The following SDK1 variants were observed in gnomAD, a reference collection of about 807,000 sequenced individuals.
SDK1 encodes protein sidekick-1.
Under a neutral mutation model 245.5 loss-of-function variants are expected in SDK1, and 157 were observed. That is an observed-to-expected ratio of 0.64 (90% confidence interval 0.56 to 0.73). The LOEUF (loss-of-function observed/expected upper bound fraction) is 0.73. Ranked by LOEUF, SDK1 falls within the 30% of genes least tolerant of loss-of-function variation. SDK1 has a pLI of 0.00. For missense variants in SDK1, 3,583 were observed against 3,002.3 expected (o/e 1.19, Z -4.52); for synonymous variants, 1,647 against 1,278.5 (o/e 1.29, Z -6.15).
intron 19 of SDK1, among the ~76,000 whole-genome samples, chr7:4,066,771 C>T (rs1390313438): frequency 2.0e-5 from 3 of 152,330 alleles, no homozygotes; most frequent in Non-Finnish European, 4.4e-5. Context: ...CCCTGCTGTC[C>T]GGCCAGCAGC....
chr7:4,128,705 A>G (rs1471709543), intron 26 of SDK1, among the ~76,000 whole-genome samples: 31 of 70,414 alleles, frequency 4.4e-4, no homozygotes, highest in East Asian at 1.7e-3. Flanking sequence ...GTGCCCTGGA[A>G]TAGAGCAGCT....
At chr7:3,569,896 T>G (rs1030078043) in intron 1 of SDK1, among the ~76,000 whole-genome samples, 1 of 152,228 alleles carries the variant, frequency 6.6e-6, no homozygotes, top group Non-Finnish European at 1.5e-5. Flanking sequence ...GTCCACTTGG[T>G]GCAGCTTGTG....
chr7:3,909,295 C>T (rs1415511845), intron 5 of SDK1, among the ~76,000 whole-genome samples: 3 of 152,092 alleles, frequency 2.0e-5, no homozygotes, highest in Non-Finnish European at 2.9e-5. Context: ...ACCAGATGGC[C>T]GCCAATAACT....
intron 4 of SDK1, among the ~76,000 whole-genome samples, chr7:3,739,562 T>C (rs749965245): frequency 5.3e-5 from 8 of 152,216 alleles, no homozygotes; most frequent in Non-Finnish European, 1.2e-4. Context: ...TAAAATATAC[T>C]GTTGAGTCCC....
intron 1 of SDK1, among the ~76,000 whole-genome samples, chr7:3,464,579 C>CT (rs1280664851): frequency 6.6e-6 from 1 of 151,862 alleles, no homozygotes; most frequent in Non-Finnish European, 1.5e-5. Flanking sequence ...GTCAGTGGCT[C>CT]TTTTTTTGTT....
At chr7:3,886,952 A>G (rs1334256719) in intron 5 of SDK1, among the ~76,000 whole-genome samples, 1 of 152,212 alleles carries the variant, frequency 6.6e-6, no homozygotes, top group Non-Finnish European at 1.5e-5. Context: ...GCCTCCTTGC[A>G]TCCATGAAAC....
intron 1 of SDK1, among the ~76,000 whole-genome samples, chr7:3,372,629 G>T (rs1781255944): frequency 6.6e-6 from 1 of 152,138 alleles, no homozygotes; most frequent in Non-Finnish European, 1.5e-5. Context: ...GTAACTTGCT[G>T]TACCTCTGGG....
chr7:3,421,179 C>A (rs1424922335), intron 1 of SDK1, among the ~76,000 whole-genome samples: 2 of 146,046 alleles, frequency 1.4e-5, no homozygotes, highest in Admixed American at 7.1e-5. Context: ...TCAAGTGATT[C>A]TCCTGCCTGA....
intron 38 of SDK1, 115 bp from the exon 39 acceptor site, chr7:4,219,994 T>C (rs1009010190): frequency 1.6e-6 from 2 of 1,263,328 alleles, no homozygotes; most frequent in Middle Eastern, 2.0e-4. Context: ...TAGTAAGAAA[T>C]ACTTCCTTAG....
At chr7:3,330,770 C>T (rs938307105) in intron 1 of SDK1, among the ~76,000 whole-genome samples, 6 of 138,698 alleles carry the variant, frequency 4.3e-5, no homozygotes, top group Admixed American at 7.7e-5. Context: ...AACAGGAATT[C>T]GAGACAATGT....
At chr7:3,633,201 G>C (rs960601633) in intron 2 of SDK1, among the ~76,000 whole-genome samples, 1 of 152,090 alleles carries the variant, frequency 6.6e-6, no homozygotes, top group Non-Finnish European at 1.5e-5. Flanking sequence ...TAAAGTTGTG[G>C]AGAATAGTCT....
intron 1 of SDK1, among the ~76,000 whole-genome samples, chr7:3,329,558 C>T (rs529584479): frequency 2.0e-5 from 3 of 152,242 alleles, no homozygotes; most frequent in African/African-American, 7.2e-5. Context: ...CTAGGGGAAC[C>T]ATTAATCTAC....
chr7:4,018,788 CTGTGAG>C (rs1786627394), intron 17 of SDK1, among the ~76,000 whole-genome samples: 2 of 152,096 alleles, frequency 1.3e-5, no homozygotes, highest in African/African-American at 4.8e-5. Context: ...GGCTTAAGAT[CTGTGAG>C]TGACATGAGC....
At chr7:3,537,843 G>T (rs373049241) in intron 1 of SDK1, among the ~76,000 whole-genome samples, 19 of 152,204 alleles carry the variant, frequency 1.2e-4, no homozygotes, top group Admixed American at 1.2e-3. Context: ...TCAGGAAGCA[G>T]AGTTGGGGCC....
intron 11 of SDK1, among the ~76,000 whole-genome samples, chr7:3,969,984 T>C (rs1782361771): frequency 6.6e-6 from 1 of 152,242 alleles, no homozygotes; most frequent in Non-Finnish European, 1.5e-5. Context: ...TCTTCAGCTT[T>C]TGCACTTTTT....
chr7:3,316,575 A>G (rs6980323), intron 1 of SDK1, among the ~76,000 whole-genome samples: 92,287 of 152,108 alleles, frequency 0.61, 28,879 homozygotes, highest in African/African-American at 0.78. Flanking sequence ...CATTATGTAT[A>G]TATGCTGTAG....
At chr7:3,642,212 G>C in intron 4 of SDK1, 107 bp downstream of exon 4, 1 of 1,045,220 alleles carries the variant, frequency 9.6e-7, no homozygotes, top group Non-Finnish European at 1.4e-6. Context: ...TTTAAAAAGA[G>C]CAAACTAGTC....
intron 1 of SDK1, among the ~76,000 whole-genome samples, chr7:3,466,679 T>A (rs1171859553): frequency 6.6e-6 from 1 of 151,498 alleles, no homozygotes; most frequent in African/African-American, 2.4e-5. Context: ...AATAACTGGC[T>A]CCCTTCTTTT....
At chr7:3,922,230 G>A (rs1188230175) in intron 5 of SDK1, among the ~76,000 whole-genome samples, 1 of 152,142 alleles carries the variant, frequency 6.6e-6, no homozygotes, top group African/African-American at 2.4e-5. Flanking sequence ...CTGAGTTCTG[G>A]CCAGCTAAGC....
Sources: allele counts gnomAD v4.1 joint callset (sites outside exome capture counted in the v4.1 genomes callset), GRCh38; gene constraint gnomAD v4.1.1; transcripts MANE v1.5; gene names NCBI Gene and HGNC (gene_info 2026-07-23, HGNC 2026-07-21).